CADPS2: variants seen among roughly 807,000 people sequenced by gnomAD.
The protein encoded by CADPS2 is calcium dependent secretion activator 2, also known as calcium-dependent secretion activator 2.
Under a neutral mutation model 172.5 loss-of-function variants are expected in CADPS2, and 93 were observed. The observed-to-expected ratio is 0.54, with a 90% CI of 0.46 to 0.64. The LOEUF (loss-of-function observed/expected upper bound fraction) is 0.64, where lower values mean the gene tolerates loss of function less well. Among genes scored for constraint, CADPS2 ranks in the 30% least tolerant of loss-of-function variants. CADPS2 has a pLI of 0.00. For synonymous variants in CADPS2, 546 were observed against 555.2 expected, an observed-to-expected ratio of 0.98 and a Z score of 0.23; for missense variants, 1,420 against 1,565.9, an observed-to-expected ratio of 0.91 and a Z score of 1.57.
chr7:122,485,623 A>T (rs1406372684), intron 11 of CADPS2, among the ~76,000 whole-genome samples: 4 of 152,232 alleles, frequency 2.6e-5, no homozygotes, highest in Non-Finnish European at 5.9e-5. Flanking sequence ...ACAAGGTGAA[A>T]CAGCAAGGGT....
At chr7:122,335,886 C>A (rs2035784150) in intron 28 of CADPS2, among the ~76,000 whole-genome samples, 1 of 152,160 alleles carries the variant, frequency 6.6e-6, no homozygotes, top group South Asian at 2.1e-4. Context: ...AGGATGCTGG[C>A]TACCTGCCTT....
intron 19 of CADPS2, among the ~76,000 whole-genome samples, chr7:122,410,301 G>T (rs577628806): frequency 6.6e-6 from 1 of 152,010 alleles, no homozygotes; most frequent in East Asian, 1.9e-4. Flanking sequence ...CCAAGATCGC[G>T]CCACTGCACT....
At chr7:122,752,822 A>G (rs1272006157) in intron 1 of CADPS2, among the ~76,000 whole-genome samples, 1 of 152,162 alleles carries the variant, frequency 6.6e-6, no homozygotes, top group Non-Finnish European at 1.5e-5. Flanking sequence ...CCTGCTCCCA[A>G]AAAAGAATAG....
intron 2 of CADPS2, among the ~76,000 whole-genome samples, chr7:122,724,673 C>G (rs1309423719): frequency 6.6e-6 from 1 of 152,054 alleles, no homozygotes; most frequent in Non-Finnish European, 1.5e-5. Context: ...GTTACATAAA[C>G]TCCGTCAGTC....
intron 6 of CADPS2, 105 bp from the exon 7 acceptor site, chr7:122,581,395 CA>C: frequency 1.3e-6 from 1 of 782,690 alleles, no homozygotes; most frequent in South Asian, 1.7e-5. Flanking sequence ...CTTCTGTGCT[CA>C]ATGAGCTTTT....
intron 1 of CADPS2, among the ~76,000 whole-genome samples, chr7:122,883,043 A>G (rs1411513741): frequency 6.6e-6 from 1 of 152,174 alleles, no homozygotes; most frequent in Non-Finnish European, 1.5e-5. Flanking sequence ...ACTGACCACT[A>G]TTATTCCTCA....
chr7:122,418,004 T>C (rs557478832), intron 17 of CADPS2, among the ~76,000 whole-genome samples: 3 of 152,150 alleles, frequency 2.0e-5, no homozygotes, highest in Non-Finnish European at 4.4e-5. Context: ...ACCCCATCTC[T>C]ACTAAAAATA....
rs191717282 is a variant in CADPS2, at chr7:122,860,676, G to A, written c.339+25323C>T. On this transcript the variant is annotated intron_variant, in intron 1 of 29. Transcript: ENST00000449022. ...CACTCTACTATGCAATAGAATATCAGGATTTCTCTTATAAAACTGTAATTT... is the reference window on the plus strand; with the variant it reads ...CACTCTACTATGCAATAGAATATCAAGATTTCTCTTATAAAACTGTAATTT... Among the ~76,000 whole-genome samples, 9 of 152,150 alleles carry A rather than the reference G, an allele frequency of 5.9e-5. No homozygotes were observed. In the East Asian group the frequency reaches 1.7e-3, roughly 29 times the overall value.
intron 1 of CADPS2, among the ~76,000 whole-genome samples, chr7:122,790,688 C>G (rs556265474): frequency 6.6e-6 from 1 of 152,066 alleles, no homozygotes; most frequent in Non-Finnish European, 1.5e-5. Context: ...TACTCATAGC[C>G]TCAGTCATTC....
chr7:122,510,187 T>C (rs1199982581), intron 9 of CADPS2, among the ~76,000 whole-genome samples: 2 of 151,886 alleles, frequency 1.3e-5, no homozygotes, highest in Non-Finnish European at 2.9e-5. Flanking sequence ...CATATACAAG[T>C]TTAATTCTGG....
intron 25 of CADPS2, among the ~76,000 whole-genome samples, chr7:122,377,381 G>A (rs1198577835): frequency 6.6e-6 from 1 of 152,102 alleles, no homozygotes; most frequent in Non-Finnish European, 1.5e-5. Flanking sequence ...AGCCCCATCT[G>A]CCTTCTCTGT....
intron 8 of CADPS2, among the ~76,000 whole-genome samples, chr7:122,538,340 G>T (rs1409346204): frequency 1.4e-5 from 2 of 145,752 alleles, no homozygotes; most frequent in Non-Finnish European, 3.0e-5. Context: ...AAACACACAA[G>T]GAGAAGCTTA....
intron 15 of CADPS2, among the ~76,000 whole-genome samples, chr7:122,448,935 A>T (rs1478060003): frequency 2.0e-5 from 3 of 152,188 alleles, no homozygotes; most frequent in African/African-American, 7.2e-5. Flanking sequence ...AAAGAAAAAA[A>T]AAATAAAAAA....
At chr7:122,600,742 C>T (rs867024902) in intron 6 of CADPS2, among the ~76,000 whole-genome samples, 2 of 152,010 alleles carry the variant, frequency 1.3e-5, no homozygotes, top group Admixed American at 6.6e-5. Flanking sequence ...TGTTTGGGTC[C>T]TATTTACTAA....
chr7:122,784,375 T>G (rs1242302391), intron 1 of CADPS2, among the ~76,000 whole-genome samples: 1 of 152,204 alleles, frequency 6.6e-6, no homozygotes, highest in Non-Finnish European at 1.5e-5. Flanking sequence ...TCTCCATCCA[T>G]GTACTTTCTA....
chr7:122,497,361 T>C (rs2058820187), intron 9 of CADPS2, among the ~76,000 whole-genome samples: 1 of 152,180 alleles, frequency 6.6e-6, no homozygotes, highest in Non-Finnish European at 1.5e-5. Flanking sequence ...TTGCCCTTTG[T>C]ATTTGCCATG....
rs1023108536 is a variant in CADPS2 at position 122,478,037 on chromosome 7, A to G, written c.1861+2815T>C. On this transcript the variant is annotated intron_variant, in intron 12 of 29. Transcript: ENST00000449022. ...TCTAGTTTCTTATTTTTATAAAGAT[A>G]TATTTTCACATAGCTTTCTACAGGT... Among the ~76,000 whole-genome samples the G allele has an allele frequency of 5.1e-4, 78 of 152,216 alleles. 1 individual carries two copies. The highest frequency in any genetic ancestry group is 5.1e-3 in the Admixed American group (78 of 15,274).
chr7:122,679,268 G>T lies in CADPS2; in HGVS notation c.454-15699C>A, dbSNP rs930026422. On this transcript the variant is annotated intron_variant, in intron 2 of 29. Coordinates refer to ENST00000449022, the MANE Select transcript of CADPS2 (RefSeq NM_017954.11). ...CCCTGGGAAAAGAATGCATTCCTGG[G>T]GGGGGGGGGCTCTAAAATGGCCACC... Among the ~76,000 whole-genome samples the T allele has an allele frequency of 2.0e-5, 2 of 100,954 alleles. 1 individual carries two copies. Among genetic ancestry groups the T allele is most frequent in the Admixed American group, 2.0e-4 (2 of 10,096 alleles). The allele number at this position is 100,954 out of a possible 152,430, so 66.2% of individuals were successfully genotyped here. A position where few individuals can be genotyped will look rare whatever the true frequency, so the allele number is the denominator to read the frequency against.
rs140066464 is a variant in CADPS2, at chr7:122,711,407, T to A, written c.453+25548A>T. Among the ~76,000 whole-genome samples, 560 of 152,084 alleles carry A rather than the reference T, an allele frequency of 3.7e-3. 11 individuals are homozygous for A. The highest frequency in any genetic ancestry group is 0.032 in the East Asian group (167 of 5,168). On this transcript the variant is annotated intron_variant, in intron 2 of 29. Coordinates refer to ENST00000449022, the MANE Select transcript of CADPS2 (RefSeq NM_017954.11). ...ATATCAGGTCATGAGCCCCAAAGAG[T>A]CATTATTAAGAGAAAACTATACCAA...
Sources: gnomAD v4.1 joint callset for allele counts (sites outside exome capture counted in the v4.1 genomes callset) on GRCh38, gnomAD v4.1.1 for gene constraint, MANE v1.5 for transcripts, NCBI Gene and HGNC (gene_info 2026-07-23, HGNC 2026-07-21) for gene names.